Variants in EPHA5 observed in about 807,000 individuals in gnomAD.
EPHA5 encodes ephrin type-A receptor 5.
A neutral mutation model predicts 105.0 loss-of-function variants in EPHA5; 60 were observed. That is an observed-to-expected ratio of 0.57 (90% CI 0.46 to 0.71). EPHA5 has a LOEUF of 0.71. Ranked by LOEUF, EPHA5 falls within the 30% of genes least tolerant of loss-of-function variation. The probability of loss-of-function intolerance (pLI) is 0.00; values close to 1 mark genes in which losing one functional copy is unlikely to be tolerated. For synonymous variants in EPHA5, 513 were observed against 449.1 expected (o/e 1.14, Z -1.80); for missense variants, 1,218 against 1,274.7 (o/e 0.96, Z 0.68).
intron 8 of EPHA5, among the ~76,000 whole-genome samples, chr4:65,392,010 T>C (rs958406488): frequency 6.6e-6 from 1 of 152,146 alleles, no homozygotes; most frequent in African/African-American, 2.4e-5. Context: ...TGCTCAATAG[T>C]GGATGTTCAA....
In EPHA5 at chr4:65,554,981, C is replaced by CAA. The variant is rs71205383; in HGVS notation, c.910+46658_910+46659dup. Among the ~76,000 whole-genome samples the CAA allele has an allele frequency of 2.1e-3, 192 of 92,452 alleles. 6 individuals carry two copies. The highest frequency in any genetic ancestry group is 2.7e-3 in the African/African-American group (65 of 24,368). 60.7% of individuals were successfully genotyped at this position (92,452 alleles called of 152,430 possible). A position where few individuals can be genotyped will look rare whatever the true frequency, so the allele number is the denominator to read the frequency against. On this transcript the variant is annotated intron_variant, in intron 3 of 16. Coordinates refer to ENST00000613740, the MANE Select transcript of EPHA5 (RefSeq NM_001281766.3). ...TTATCACTTCACCCCTATACAACAG[C>CAA]AAAAAAAAAAAAAAAAAAAAAAAAA...
intron 3 of EPHA5, among the ~76,000 whole-genome samples, chr4:65,510,548 T>C (rs1733518458): frequency 6.6e-6 from 1 of 152,204 alleles, no homozygotes; most frequent in Non-Finnish European, 1.5e-5. Context: ...TTCCTTATCA[T>C]AAAATAGCAC....
intron 14 of EPHA5, among the ~76,000 whole-genome samples, chr4:65,346,544 CT>C (rs1376003478): frequency 6.6e-6 from 1 of 151,754 alleles, no homozygotes; most frequent in South Asian, 2.1e-4. Flanking sequence ...TTCATTTTGT[CT>C]TTTTTTATTA....
At chr4:65,566,417 T>C (rs1487401466) in intron 3 of EPHA5, among the ~76,000 whole-genome samples, 1 of 151,754 alleles carries the variant, frequency 6.6e-6, no homozygotes, top group African/African-American at 2.4e-5. Context: ...AAACTAATAT[T>C]CTTTTGAAAT....
At chr4:65,465,533 AAAGGAAAGGAAGGAAAGG>A (rs199624958) in intron 5 of EPHA5, among the ~76,000 whole-genome samples, 9,336 of 66,384 alleles carry the variant, frequency 0.14, 1,093 homozygotes, top group Middle Eastern at 0.21. Flanking sequence ...GAAAGAAAAG[AAAGGAAAGGAAGGAAAGG>A]AAGGAAAGGA....
chr4:65,483,104 T>A (rs886813244), intron 5 of EPHA5, among the ~76,000 whole-genome samples: 3 of 152,062 alleles, frequency 2.0e-5, no homozygotes, highest in African/African-American at 7.2e-5. Flanking sequence ...AGTGAGAACA[T>A]GTGGTGTTTG....
chr4:65,527,180 A>G (rs2149293027), intron 3 of EPHA5, among the ~76,000 whole-genome samples: 1 of 152,218 alleles, frequency 6.6e-6, no homozygotes, highest in South Asian at 2.1e-4. Context: ...ACATTCACAT[A>G]TATGTTGAGC....
chr4:65,512,975 G>T (rs902387193), intron 3 of EPHA5, among the ~76,000 whole-genome samples: 13 of 152,052 alleles, frequency 8.5e-5, no homozygotes, highest in African/African-American at 3.1e-4. Flanking sequence ...TACTAGAATT[G>T]AAAGTCTGTT....
chr4:65,496,673 A>T (rs1731974868), intron 3 of EPHA5, among the ~76,000 whole-genome samples: 1 of 151,986 alleles, frequency 6.6e-6, no homozygotes, highest in African/African-American at 2.4e-5. Context: ...TATTGTGAAT[A>T]ATGCCGCAAT....
At chr4:65,594,791 A>C (rs2149423208) in intron 3 of EPHA5, among the ~76,000 whole-genome samples, 1 of 152,270 alleles carries the variant, frequency 6.6e-6, no homozygotes, top group Non-Finnish European at 1.5e-5. Context: ...GGGTGTAATA[A>C]TTTACAAATA....
chr4:65,522,960 G>T (rs1734898289), intron 3 of EPHA5, among the ~76,000 whole-genome samples: 1 of 151,846 alleles, frequency 6.6e-6, no homozygotes, highest in South Asian at 2.1e-4. Context: ...ATTCTAAAAA[G>T]CATGATCAAC....
At chr4:65,461,153 T>C (rs1425527508) in intron 5 of EPHA5, among the ~76,000 whole-genome samples, 2 of 151,818 alleles carry the variant, frequency 1.3e-5, no homozygotes, top group African/African-American at 4.8e-5. Flanking sequence ...CAATTAGCAA[T>C]AAGAGAGTTA....
chr4:65,555,830 T>C (rs567170393), intron 3 of EPHA5, among the ~76,000 whole-genome samples: 1 of 141,178 alleles, frequency 7.1e-6, no homozygotes, highest in East Asian at 1.9e-4. Flanking sequence ...GAGATAATAT[T>C]TTCGATTTGG....
intron 5 of EPHA5, among the ~76,000 whole-genome samples, chr4:65,442,418 C>T (rs970444910): frequency 6.6e-6 from 1 of 152,160 alleles, no homozygotes; most frequent in Non-Finnish European, 1.5e-5. Context: ...TGACCTTGAA[C>T]TTCCCAGTCC....
At chr4:65,659,092 T>G (rs2149544919) in intron 1 of EPHA5, among the ~76,000 whole-genome samples, 1 of 152,108 alleles carries the variant, frequency 6.6e-6, no homozygotes, top group African/African-American at 2.4e-5. Context: ...TCTTCTCTCT[T>G]GTTATAAAAA....
intron 2 of EPHA5, among the ~76,000 whole-genome samples, chr4:65,616,095 G>A (rs939646526): frequency 2.6e-5 from 4 of 151,796 alleles, no homozygotes; most frequent in Admixed American, 2.6e-4. Context: ...CATGGAATAC[G>A]ACTCAACAAT....
intron 3 of EPHA5, among the ~76,000 whole-genome samples, chr4:65,507,107 C>T (rs918429292): frequency 3.9e-5 from 6 of 152,122 alleles, no homozygotes; most frequent in Admixed American, 6.6e-5. Context: ...TTCCCAGCAC[C>T]ATTTATTAAA....
chr4:65,495,549 A>C lies in EPHA5; in HGVS notation c.911-6T>G. 1 of 1,604,484 alleles carries C rather than the reference A, an allele frequency of 6.2e-7. No individual in the cohort carries two copies. Among genetic ancestry groups the C allele is most frequent in the Non-Finnish European group, 8.5e-7 (1 of 1,176,476 alleles). ...GAAGAACCCAGGTCTGCACACTGTC[A>C]AAAGAAATAAGAGACTAAGCTTTTC... On this transcript the variant is annotated splice_polypyrimidine_tract_variant and splice_region_variant and intron_variant, in intron 3 of 16. Transcript: ENST00000613740.
rs1169222281 is a variant in EPHA5 at position 65,414,592 on chromosome 4, C to T, written c.1528-149G>A. The T allele has an allele frequency of 8.4e-6, 7 of 829,792 alleles. No individual in the cohort carries two copies. In the Middle Eastern group the frequency reaches 1.0e-3, roughly 120 times the overall value. 51.4% of individuals were successfully genotyped at this position (829,792 alleles called of 1,614,324 possible). A position where few individuals can be genotyped will look rare whatever the true frequency, so the allele number is the denominator to read the frequency against. ...CATTTTAGAAAAAAATCCTACACAT[C>T]CTAGGTGTGCTATTTACATAGAATA... On this transcript the variant is annotated intron_variant, in intron 6 of 16. Coordinates refer to ENST00000613740, the MANE Select transcript of EPHA5 (RefSeq NM_001281766.3).
Sources: gnomAD v4.1 joint callset for allele counts (sites outside exome capture counted in the v4.1 genomes callset) on GRCh38, gnomAD v4.1.1 for gene constraint, MANE v1.5 for transcripts, NCBI Gene and HGNC (gene_info 2026-07-23, HGNC 2026-07-21) for gene names.